Variants in VEPH1 observed in about 807,000 individuals in gnomAD.
VEPH1 encodes ventricular zone-expressed PH domain-containing protein homolog 1.
Under a neutral mutation model 85.2 loss-of-function variants are expected in VEPH1, and 80 were observed. The ratio of observed to expected loss-of-function variants is 0.94; its 90% CI spans 0.78 to 1.13. VEPH1 has a LOEUF of 1.13. Ranked by LOEUF, VEPH1 falls within the 50% of genes most tolerant of loss-of-function variation. VEPH1 has a pLI of 0.00. For missense variants in VEPH1, 955 were observed against 980.5 expected, an observed-to-expected ratio of 0.97 and a Z score of 0.35; for synonymous variants, 297 against 348.0, an observed-to-expected ratio of 0.85 and a Z score of 1.63.
At chr3:157,397,427 C>G (rs1293974369) in intron 6 of VEPH1, among the ~76,000 whole-genome samples, 1 of 151,940 alleles carries the variant, frequency 6.6e-6, no homozygotes, top group Non-Finnish European at 1.5e-5. Context: ...TTTTTTGGTT[C>G]CATATGAATT....
At chr3:157,464,572 A>G (rs1358957224) in intron 3 of VEPH1, among the ~76,000 whole-genome samples, 3 of 152,180 alleles carry the variant, frequency 2.0e-5, no homozygotes, top group Non-Finnish European at 2.9e-5. Flanking sequence ...ATAGAAATAG[A>G]CTTTCTCGTG....
intron 2 of VEPH1, among the ~76,000 whole-genome samples, chr3:157,491,079 G>GCAAAAA (rs1739175364): frequency 1.3e-5 from 2 of 152,054 alleles, no homozygotes; most frequent in South Asian, 4.1e-4. Flanking sequence ...TGGATGTGTA[G>GCAAAAA]CAAAAACAAA....
At chr3:157,354,409 T>A (rs1725205089) in intron 9 of VEPH1, among the ~76,000 whole-genome samples, 2 of 152,226 alleles carry the variant, frequency 1.3e-5, no homozygotes, top group South Asian at 4.2e-4. Flanking sequence ...CTGACAGCTT[T>A]CCTTTGAAAT....
intron 11 of VEPH1, among the ~76,000 whole-genome samples, chr3:157,296,804 G>T (rs1023490374): frequency 4.6e-5 from 7 of 152,224 alleles, no homozygotes; most frequent in Non-Finnish European, 7.3e-5. Context: ...CCCTGCCACT[G>T]CCATTCACTG....
chr3:157,358,976 C>G (rs1463631348), intron 9 of VEPH1, among the ~76,000 whole-genome samples: 2 of 151,970 alleles, frequency 1.3e-5, no homozygotes. Context: ...AGCCTGGTGA[C>G]AGAGTGAGAC....
intron 2 of VEPH1, among the ~76,000 whole-genome samples, chr3:157,492,310 G>A (rs1000831175): frequency 3.9e-5 from 6 of 152,134 alleles, no homozygotes; most frequent in African/African-American, 1.4e-4. Flanking sequence ...TGATCCGTAC[G>A]AGTTATAATT....
chr3:157,418,595 G>A (rs1247099227), intron 5 of VEPH1, among the ~76,000 whole-genome samples: 1 of 152,098 alleles, frequency 6.6e-6, no homozygotes, highest in Non-Finnish European at 1.5e-5. Flanking sequence ...GCTGCAAAGA[G>A]AATAAAATAT....
intron 1 of VEPH1, among the ~76,000 whole-genome samples, chr3:157,501,295 T>G (rs1740077987): frequency 6.6e-6 from 1 of 152,224 alleles, no homozygotes. Context: ...CAACCTTATC[T>G]TGTTTCCTGG....
chr3:157,393,839 A>G (rs1231851074), intron 6 of VEPH1, among the ~76,000 whole-genome samples: 1 of 152,192 alleles, frequency 6.6e-6, no homozygotes, highest in Non-Finnish European at 1.5e-5. Flanking sequence ...TACTGCAGGT[A>G]TATGATTGTT....
At chr3:157,421,669 C>T (rs1732348337) in intron 5 of VEPH1, among the ~76,000 whole-genome samples, 1 of 152,116 alleles carries the variant, frequency 6.6e-6, no homozygotes, top group Admixed American at 6.6e-5. Context: ...CTGTATTGTA[C>T]CACCTGTGGT....
chr3:157,470,354 T>C lies in VEPH1; in HGVS notation c.314A>G (p.His105Arg). 6.2e-7 allele frequency: 1 copy of C among 1,614,084 alleles called. No individual in the cohort carries two copies. The highest frequency in any genetic ancestry group is 8.5e-7 in the Non-Finnish European group (1 of 1,179,994). The part of the protein sequence containing the change: ...RPFGKDEDTP[H>R]AKIASDIMSC... ...CATGATATCAGATGCGATTTTTGCA[T>C]GAGGAGTGTCTTCGTCTTTCCCAAA... is the stretch of plus-strand genomic sequence containing the variant. Residue 105 changes from histidine to arginine, a missense_variant, in exon 3 of 14, where the codon CAT (histidine) becomes CGT (arginine). Physicochemically the swap from His to Arg is conservative, Grantham distance 29. Transcript: ENST00000362010.
chr3:157,429,521 T>C (rs372418769), intron 4 of VEPH1, among the ~76,000 whole-genome samples: 70 of 152,312 alleles, frequency 4.6e-4, no homozygotes, highest in African/African-American at 1.5e-3. Context: ...TTGAATGAAT[T>C]TGGGAGATAA....
chr3:157,430,163 C>T (rs1337599252), intron 4 of VEPH1, among the ~76,000 whole-genome samples: 2 of 152,168 alleles, frequency 1.3e-5, no homozygotes, highest in African/African-American at 4.8e-5. Flanking sequence ...AATTGCTTTT[C>T]ATCCCATTTG....
chr3:157,363,278 G>A, intron 9 of VEPH1, 86 bp downstream of exon 9: 2 of 1,290,860 alleles, frequency 1.5e-6, no homozygotes, highest in East Asian at 4.8e-5. Context: ...CCAGAAAAGA[G>A]TATGCTAATT....
chr3:157,431,076 T>C (rs1733111125), intron 4 of VEPH1, among the ~76,000 whole-genome samples: 1 of 152,134 alleles, frequency 6.6e-6, no homozygotes, highest in Non-Finnish European at 1.5e-5. Flanking sequence ...GGGAGGAGGT[T>C]GGATCATAAG....
At chr3:157,345,731 G>A (rs547619173) in intron 9 of VEPH1, among the ~76,000 whole-genome samples, 101 of 152,248 alleles carry the variant, frequency 6.6e-4, no homozygotes, top group African/African-American at 2.3e-3. Flanking sequence ...ACATGCACAC[G>A]TATGTTCATT....
intron 11 of VEPH1, among the ~76,000 whole-genome samples, chr3:157,309,756 T>A (rs1308996581): frequency 6.6e-6 from 1 of 151,966 alleles, no homozygotes; most frequent in Non-Finnish European, 1.5e-5. Flanking sequence ...GATAATTGAT[T>A]GAATTTATTT....
rs550316417 is a variant in VEPH1 at position 157,500,820 on chromosome 3, T to C, written c.-158+2457A>G. Reference sequence around the variant, plus strand: ...GCAGAGTGATAAGAGTATGGGAATCTAGACTCAACTGGATTCCAAGCTCAG... The same window carrying C: ...GCAGAGTGATAAGAGTATGGGAATCCAGACTCAACTGGATTCCAAGCTCAG... On this transcript the variant is annotated intron_variant, in intron 1 of 13. Transcript: ENST00000362010. Among the ~76,000 whole-genome samples the C allele has an allele frequency of 2.0e-5, 3 of 152,286 alleles. No individual in the cohort carries two copies. In the East Asian group the frequency reaches 5.8e-4, roughly 29 times the overall value.
rs575966134 is a variant in VEPH1 at position 157,381,229 on chromosome 3, T to A, written c.1054A>T (p.Met352Leu). The A allele has an allele frequency of 6.8e-6, 11 of 1,614,038 alleles. No individual in the cohort carries two copies. In the South Asian group the frequency reaches 1.2e-4, roughly 18 times the overall value. The stretch of plus-strand genomic sequence containing the variant: ...GCAATGGCGGTGAAGCTGTTGCTCA[T>A]GCGGAAGATGTCTCTGCTCTGAGGG... ...LGPQSRDIFR[M>L]SNSFTAIAKL... The change falls in exon 7 of 14, where the codon ATG (methionine) becomes TTG (leucine). Residue 352 changes from methionine (M) to leucine (L), a missense_variant. Coordinates refer to ENST00000362010, the MANE Select transcript of VEPH1 (RefSeq NM_001167912.2).
Sources: gnomAD v4.1 joint callset for allele counts (sites outside exome capture counted in the v4.1 genomes callset) on GRCh38, gnomAD v4.1.1 for gene constraint, MANE v1.5 for transcripts, NCBI Gene and HGNC (gene_info 2026-07-23, HGNC 2026-07-21) for gene names.